The following CNTNAP2 variants were observed in gnomAD, a reference collection of about 807,000 sequenced individuals.
The protein encoded by CNTNAP2 is contactin associated protein 2, also known as contactin-associated protein-like 2.
CNTNAP2 carries 98 observed loss-of-function variants against 155.2 expected under a neutral mutation model. That is an observed-to-expected ratio of 0.63 (90% confidence interval 0.54 to 0.75). The LOEUF (loss-of-function observed/expected upper bound fraction) is 0.75. CNTNAP2 is among the 30% of genes least tolerant of loss of function. The pLI is 0.00. For synonymous variants in CNTNAP2, 651 were observed against 631.2 expected (o/e 1.03, Z -0.47); for missense variants, 1,727 against 1,688.1 (o/e 1.02, Z -0.40).
intron 21 of CNTNAP2, among the ~76,000 whole-genome samples, chr7:148,325,600 C>T (rs1052846376): frequency 1.3e-5 from 2 of 152,244 alleles, no homozygotes; most frequent in Non-Finnish European, 2.9e-5. Context: ...TGCCATATGT[C>T]TGCGTCTCCA....
chr7:147,000,821 G>T (rs1194408688), intron 3 of CNTNAP2, among the ~76,000 whole-genome samples: 2 of 152,112 alleles, frequency 1.3e-5, no homozygotes, highest in African/African-American at 2.4e-5. Flanking sequence ...AGGTCTGCCT[G>T]TTGTGGTAGG....
intron 8 of CNTNAP2, among the ~76,000 whole-genome samples, chr7:147,181,745 A>G (rs1367624567): frequency 2.0e-5 from 3 of 152,208 alleles, no homozygotes; most frequent in African/African-American, 7.2e-5. Context: ...AATATAAAAT[A>G]CTTGAAGGCA....
intron 4 of CNTNAP2, among the ~76,000 whole-genome samples, chr7:147,062,158 A>C (rs1483849439): frequency 6.6e-4 from 93 of 140,738 alleles, no homozygotes; most frequent in Middle Eastern, 3.8e-3. Flanking sequence ...AAAAAAAAAA[A>C]AAAAAAAAAA....
intron 21 of CNTNAP2, among the ~76,000 whole-genome samples, chr7:148,328,256 G>C (rs1797925717): frequency 6.6e-6 from 1 of 152,144 alleles, no homozygotes; most frequent in Non-Finnish European, 1.5e-5. Flanking sequence ...GCCGGGGCTG[G>C]AGCTTGTTGG....
chr7:148,362,601 C>T (rs1038608501), intron 21 of CNTNAP2, among the ~76,000 whole-genome samples: 8 of 152,212 alleles, frequency 5.3e-5, no homozygotes, highest in African/African-American at 1.9e-4. Context: ...CCCATTCTTC[C>T]TGCATCTGTA....
At chr7:146,466,122 G>A (rs924989549) in intron 1 of CNTNAP2, among the ~76,000 whole-genome samples, 2 of 152,120 alleles carry the variant, frequency 1.3e-5, no homozygotes, top group African/African-American at 4.8e-5. Context: ...GAATCAAAAA[G>A]TTGTTTTTAC....
At chr7:146,185,335 A>G (rs1260315018) in intron 1 of CNTNAP2, among the ~76,000 whole-genome samples, 1 of 152,124 alleles carries the variant, frequency 6.6e-6, no homozygotes, top group African/African-American at 2.4e-5. Flanking sequence ...CAGGCCACCC[A>G]CCTATTGGTT....
chr7:146,149,576 C>G (rs142261806), intron 1 of CNTNAP2, among the ~76,000 whole-genome samples: 1 of 151,938 alleles, frequency 6.6e-6, no homozygotes, highest in Non-Finnish European at 1.5e-5. Flanking sequence ...AAGAACAGAA[C>G]GGAGTCCAGA....
chr7:147,965,963 C>T (rs781630519), intron 14 of CNTNAP2, among the ~76,000 whole-genome samples: 1 of 152,120 alleles, frequency 6.6e-6, no homozygotes, highest in South Asian at 2.1e-4. Flanking sequence ...TCCTAAGGGC[C>T]TTACAGACTT....
chr7:147,792,016 G>A (rs116765796), intron 13 of CNTNAP2, among the ~76,000 whole-genome samples: 1,840 of 152,228 alleles, frequency 0.012, 48 homozygotes, highest in African/African-American at 0.041. Context: ...TCCCCTAAGG[G>A]CACCACCTAA....
intron 3 of CNTNAP2, among the ~76,000 whole-genome samples, chr7:147,020,405 C>T (rs73154312): frequency 0.37 from 55,632 of 151,880 alleles, 10,391 homozygotes; most frequent in South Asian, 0.42. Context: ...ATGATAGATG[C>T]GCACAAATTA....
chr7:146,218,030 A>G (rs1799142216), intron 1 of CNTNAP2, among the ~76,000 whole-genome samples: 1 of 152,104 alleles, frequency 6.6e-6, no homozygotes, highest in Admixed American at 6.5e-5. Flanking sequence ...CAATGTATGG[A>G]CCAAAGGCAA....
chr7:147,597,343 A>G (rs1202519211), intron 12 of CNTNAP2, among the ~76,000 whole-genome samples: 1 of 152,078 alleles, frequency 6.6e-6, no homozygotes, highest in Non-Finnish European at 1.5e-5. Context: ...CTTATCCTCC[A>G]TCACTTACTT....
chr7:148,007,935 T>A (rs971511547), intron 15 of CNTNAP2, among the ~76,000 whole-genome samples: 1 of 152,176 alleles, frequency 6.6e-6, no homozygotes, highest in Non-Finnish European at 1.5e-5. Flanking sequence ...CATCCTAATC[T>A]TCAGAACCTG....
chr7:148,193,506 G>C (rs1795231349), intron 18 of CNTNAP2, among the ~76,000 whole-genome samples: 1 of 151,982 alleles, frequency 6.6e-6, no homozygotes, highest in Non-Finnish European at 1.5e-5. Flanking sequence ...TGGAAGAAAG[G>C]GACCACAAGG....
intron 3 of CNTNAP2, among the ~76,000 whole-genome samples, chr7:147,006,796 T>C (rs1193266156): frequency 2.0e-5 from 3 of 152,082 alleles, no homozygotes; most frequent in African/African-American, 7.2e-5. Flanking sequence ...AATGCTTTTG[T>C]TACTGGGGAG....
intron 3 of CNTNAP2, among the ~76,000 whole-genome samples, chr7:146,855,852 T>TATATATATAC (rs1554401384): frequency 8.0e-5 from 8 of 100,094 alleles, no homozygotes; most frequent in Non-Finnish European, 1.1e-4. Context: ...TATATATATA[T>TATATATATAC]ACACACTTAC....
intron 12 of CNTNAP2, among the ~76,000 whole-genome samples, chr7:147,617,758 G>T (rs1801320164): frequency 6.6e-6 from 1 of 152,020 alleles, no homozygotes; most frequent in African/African-American, 2.4e-5. Flanking sequence ...TTTCTCCTAA[G>T]ACTTGATTTC....
intron 1 of CNTNAP2, among the ~76,000 whole-genome samples, chr7:146,117,471 T>C (rs1454315816): frequency 6.6e-6 from 1 of 152,176 alleles, no homozygotes; most frequent in Non-Finnish European, 1.5e-5. Flanking sequence ...CTTAAAAAGT[T>C]AATGCCCATT....
Sources: gnomAD v4.1 joint callset for allele counts (sites outside exome capture counted in the v4.1 genomes callset) on GRCh38, gnomAD v4.1.1 for gene constraint, MANE v1.5 for transcripts, NCBI Gene and HGNC (gene_info 2026-07-23, HGNC 2026-07-21) for gene names.